Variants in TENM1 observed in about 807,000 individuals in gnomAD.
TENM1 encodes teneurin-1.
In TENM1, 35 loss-of-function variants were observed where a neutral mutation model predicts 174.8. The observed-to-expected ratio is 0.20, with a 90% confidence interval of 0.15 to 0.27. TENM1 has a LOEUF of 0.27. Among genes scored for constraint, TENM1 ranks in the 10% least tolerant of loss-of-function variants. The pLI is 1.00. For synonymous variants in TENM1, 781 were observed against 798.7 expected (o/e 0.98, Z 0.37); for missense variants, 1,633 against 2,130.1 (o/e 0.77, Z 4.59).
intron 5 of TENM1, among the ~76,000 whole-genome samples, chrX:124,675,567 A>G (rs1236513455): frequency 3.6e-5 from 4 of 109,927 alleles, no homozygotes; most frequent in African/African-American, 1.3e-4. Context: ...TGATTCAACA[A>G]ATACTTTTTT....
intron 13 of TENM1, among the ~76,000 whole-genome samples, chrX:124,563,540 G>A (rs769158924): frequency 2.7e-4 from 29 of 109,365 alleles, no homozygotes; most frequent in African/African-American, 8.3e-4. Flanking sequence ...TCTATACTAC[G>A]GGAAAAAGTG....
At chrX:125,114,664 C>T in the TENM1 span, among the ~76,000 whole-genome samples, 1 of 111,091 alleles carries the variant, frequency 9.0e-6, no homozygotes, top group Non-Finnish European at 1.9e-5. Context: ...TTCCTGGATA[C>T]ATACACCCTC....
At chrX:124,421,263 T>G (rs1268340581) in intron 24 of TENM1, among the ~76,000 whole-genome samples, 1 of 112,324 alleles carries the variant, frequency 8.9e-6, no homozygotes, top group Non-Finnish European at 1.9e-5. Flanking sequence ...CAAAGTACAC[T>G]AAGTCTATAA....
chrX:125,000,700 T>C, the TENM1 span, among the ~76,000 whole-genome samples: 8 of 111,613 alleles, frequency 7.2e-5, no homozygotes, highest in Non-Finnish European at 1.5e-4. Context: ...ACCACGTACA[T>C]GTTGAACTTG....
At chrX:125,061,643 G>T in the TENM1 span, among the ~76,000 whole-genome samples, 10 of 112,037 alleles carry the variant, frequency 8.9e-5, no homozygotes, top group Non-Finnish European at 1.7e-4. Flanking sequence ...CTGCCTGGGC[G>T]CAGTGGCTCA....
chrX:124,420,873 A>T (rs781774168), intron 24 of TENM1, 52 bp from the exon 28 acceptor site: 1 of 1,082,162 alleles, frequency 9.2e-7, no homozygotes, highest in Non-Finnish European at 1.3e-6. Context: ...CATTTACATG[A>T]ACATACCACA....
the TENM1 span, among the ~76,000 whole-genome samples, chrX:125,158,590 AT>A: frequency 9.1e-6 from 1 of 110,200 alleles, no homozygotes; most frequent in Non-Finnish European, 1.9e-5. Context: ...TAACATTAAC[AT>A]TCATGTCCCT....
intron 11 of TENM1, among the ~76,000 whole-genome samples, chrX:124,580,653 A>G (rs1430968509): frequency 9.0e-6 from 1 of 111,156 alleles, no homozygotes; most frequent in African/African-American, 3.3e-5. Context: ...GATTTAATGT[A>G]CAACATGAGG....
chrX:125,051,893 C>G, the TENM1 span, among the ~76,000 whole-genome samples: 2 of 106,555 alleles, frequency 1.9e-5, no homozygotes, highest in African/African-American at 7.0e-5. Context: ...AAACTACCAT[C>G]AGAGTGAACA....
intron 22 of TENM1, among the ~76,000 whole-genome samples, chrX:124,476,924 G>A (rs1232497548): frequency 2.7e-5 from 3 of 112,231 alleles, no homozygotes; most frequent in South Asian, 3.7e-4. Flanking sequence ...ACCTCTTTTC[G>A]AAACTTTTTT....
the TENM1 span, among the ~76,000 whole-genome samples, chrX:125,182,132 G>A: frequency 6.3e-5 from 7 of 110,333 alleles, no homozygotes; most frequent in South Asian, 2.8e-3. Context: ...CAGTGTTCTT[G>A]ACTTTTCCAC....
chrX:124,475,242 T>C (rs1350712958), intron 22 of TENM1, among the ~76,000 whole-genome samples: 1 of 111,421 alleles, frequency 9.0e-6, no homozygotes, highest in Non-Finnish European at 1.9e-5. Context: ...CTCATCCCTA[T>C]ACCCTACAAA....
intron 22 of TENM1, among the ~76,000 whole-genome samples, chrX:124,470,740 G>T (rs1427281426): frequency 9.1e-6 from 1 of 110,431 alleles, no homozygotes; most frequent in Non-Finnish European, 1.9e-5. Context: ...TGCCCCTTCA[G>T]CAGGTCTCCT....
At chrX:124,505,350 C>T (rs987561612) in intron 18 of TENM1, among the ~76,000 whole-genome samples, 1 of 111,510 alleles carries the variant, frequency 9.0e-6, no homozygotes, top group East Asian at 2.8e-4. Context: ...GGAAACTAAT[C>T]GTCTCTGTCA....
At chrX:124,971,544 C>T in the TENM1 span, among the ~76,000 whole-genome samples, 2 of 111,887 alleles carry the variant, frequency 1.8e-5, no homozygotes, top group African/African-American at 6.5e-5. Flanking sequence ...ACACTCCTCC[C>T]TCACCATTTA....
intron 17 of TENM1, among the ~76,000 whole-genome samples, chrX:124,522,965 G>A (rs993618934): frequency 8.9e-6 from 1 of 112,095 alleles, no homozygotes; most frequent in African/African-American, 3.2e-5. Flanking sequence ...TGGGATTACA[G>A]GCATGAGCCG....
chrX:124,692,804 C>T (rs1486099181), intron 5 of TENM1, among the ~76,000 whole-genome samples: 8 of 107,702 alleles, frequency 7.4e-5, no homozygotes, highest in Non-Finnish European at 1.9e-5. Flanking sequence ...GTCGGGAGTT[C>T]GAGACCAGCC....
intron 11 of TENM1, among the ~76,000 whole-genome samples, chrX:124,572,699 G>GA (rs1426749875): frequency 9.1e-6 from 1 of 110,139 alleles, no homozygotes; most frequent in Admixed American, 9.7e-5. Flanking sequence ...AAATCAAAAG[G>GA]AAAAAATCAA....
intron 22 of TENM1, among the ~76,000 whole-genome samples, chrX:124,476,077 C>T (rs2046718030): frequency 8.9e-6 from 1 of 111,752 alleles, no homozygotes. Context: ...GGATCATATG[C>T]TAAAGGAATT....
Sources: allele counts gnomAD v4.1 joint callset (sites outside exome capture counted in the v4.1 genomes callset), GRCh38; gene constraint gnomAD v4.1.1; transcripts MANE v1.5; gene names NCBI Gene and HGNC (gene_info 2026-07-23, HGNC 2026-07-21).